NTRK2: variants seen among roughly 807,000 people sequenced by gnomAD.
NTRK2 encodes BDNF/NT-3 growth factors receptor.
In NTRK2, 13 loss-of-function variants were observed where a neutral mutation model predicts 94.5. The ratio of observed to expected loss-of-function variants is 0.14; its 90% confidence interval spans 0.09 to 0.22. The LOEUF (loss-of-function observed/expected upper bound fraction) is 0.22, where lower values mean the gene tolerates loss of function less well. NTRK2 is among the 10% of genes least tolerant of loss of function. The pLI is 1.00. For missense variants in NTRK2, 639 were observed against 1,071.2 expected (o/e 0.60, Z 5.63); for synonymous variants, 372 against 407.4 (o/e 0.91, Z 1.05).
At chr9:84,724,172 CT>C in intron 7 of NTRK2, 51 bp from the exon 8 acceptor site, 2 of 1,604,434 alleles carry the variant, frequency 1.2e-6, no homozygotes, top group Non-Finnish European at 1.7e-6. Context: ...AATCTTGTCA[CT>C]TTGGGATCAA....
intron 14 of NTRK2, chr9:84,871,857 A>C: frequency 6.2e-7 from 1 of 1,613,526 alleles, no homozygotes; most frequent in African/African-American, 1.3e-5. Flanking sequence ...TCACTGCAGG[A>C]ACTAAAGGAG....
At chr9:84,929,241 C>A (rs1178758390) in intron 14 of NTRK2, among the ~76,000 whole-genome samples, 1 of 152,148 alleles carries the variant, frequency 6.6e-6, no homozygotes, top group Non-Finnish European at 1.5e-5. Context: ...CACATTGCGA[C>A]ACAATGCATT....
chr9:85,008,530 G>T lies in NTRK2; in HGVS notation c.2173-11676G>T, dbSNP rs75793128. On this transcript the variant is annotated intron_variant, in intron 17 of 18. Coordinates refer to ENST00000277120, the MANE Select transcript of NTRK2 (RefSeq NM_006180.6). The stretch of plus-strand genomic sequence containing the variant: ...AGTGGTGATTTATCACATGTGGATT[G>T]GTTGCTACCACTGAAGTCACACTTT... Among the ~76,000 whole-genome samples, 978 of 152,286 alleles carry T rather than the reference G, an allele frequency of 6.4e-3. 11 individuals carry two copies. The highest frequency in any genetic ancestry group is 0.023 in the African/African-American group (944 of 41,558).
chr9:84,999,889 C>T (rs1463315714), intron 17 of NTRK2, among the ~76,000 whole-genome samples: 2 of 152,138 alleles, frequency 1.3e-5, no homozygotes, highest in Non-Finnish European at 2.9e-5. Context: ...ATGTCCTCTG[C>T]TCAGGTTCGC....
At chr9:84,735,378 A>T (rs2063182684) in intron 9 of NTRK2, among the ~76,000 whole-genome samples, 1 of 152,056 alleles carries the variant, frequency 6.6e-6, no homozygotes, top group Non-Finnish European at 1.5e-5. Context: ...GGCCAAACTA[A>T]TGTATTTCTA....
intron 2 of NTRK2, among the ~76,000 whole-genome samples, chr9:84,685,942 G>C (rs567321025): frequency 6.6e-6 from 1 of 152,310 alleles, no homozygotes; most frequent in South Asian, 2.1e-4. Flanking sequence ...CTTGTTTACT[G>C]CTCTTTCCTA....
chr9:84,818,082 A>C (rs969866803), intron 12 of NTRK2, among the ~76,000 whole-genome samples: 3 of 152,180 alleles, frequency 2.0e-5, no homozygotes, highest in Admixed American at 6.6e-5. Context: ...CTTCAAACTT[A>C]AGTGTTTCAT....
chr9:84,766,478 T>C (rs1182916353), intron 12 of NTRK2, among the ~76,000 whole-genome samples: 1 of 152,012 alleles, frequency 6.6e-6, no homozygotes, highest in East Asian at 1.9e-4. Flanking sequence ...TGGAGAGAGA[T>C]TAAATGTGGG....
intron 17 of NTRK2, among the ~76,000 whole-genome samples, chr9:84,988,635 A>G (rs1385769185): frequency 1.3e-5 from 2 of 152,248 alleles, no homozygotes; most frequent in Admixed American, 6.5e-5. Flanking sequence ...CAGGGCCAAC[A>G]TGAAGTCCTA....
At chr9:84,830,538 C>CGT (rs60042932) in intron 12 of NTRK2, among the ~76,000 whole-genome samples, 25,969 of 145,896 alleles carry the variant, frequency 0.18, 3,073 homozygotes, top group African/African-American at 0.33. Flanking sequence ...AGCATGCATG[C>CGT]GTGTGTGTGT....
intron 12 of NTRK2, among the ~76,000 whole-genome samples, chr9:84,802,548 G>T (rs2070619120): frequency 6.6e-6 from 1 of 152,204 alleles, no homozygotes; most frequent in Admixed American, 6.5e-5. Context: ...AGCAGCATGG[G>T]CTTATTCCAA....
intron 12 of NTRK2, among the ~76,000 whole-genome samples, chr9:84,828,994 T>G (rs890330571): frequency 7.4e-5 from 10 of 135,014 alleles, no homozygotes; most frequent in African/African-American, 2.9e-4. Flanking sequence ...TGTTTTTTTT[T>G]TGTTGTTTGT....
intron 9 of NTRK2, among the ~76,000 whole-genome samples, chr9:84,728,735 G>A (rs1373588320): frequency 6.6e-6 from 1 of 152,162 alleles, no homozygotes; most frequent in Non-Finnish European, 1.5e-5. Flanking sequence ...GTGCTTCTCT[G>A]GCCAAAGGCT....
Position 84,998,387 on chromosome 9 carries a change from C to T in NTRK2, c.2173-21819C>T, listed in dbSNP as rs138617224. Among the ~76,000 whole-genome samples the T allele has an allele frequency of 4.5e-3, 686 of 152,312 alleles. 8 individuals are homozygous for T. Among genetic ancestry groups the T allele is most frequent in the East Asian group, 0.02 (105 of 5,170 alleles). On this transcript the variant is annotated intron_variant, in intron 17 of 18. Transcript: ENST00000277120. ...GCCAGTCCCCTACCACTAGCTGCAC[C>T]GGCCCAGGTCTAAATCCCAAGTCCT... is the stretch of plus-strand genomic sequence containing the variant.
chr9:84,933,433 A>G lies in NTRK2; in HGVS notation c.1634-729A>G, dbSNP rs534388601. Reference sequence around the variant, plus strand: ...AGAGGGTGTATGGATGAATGACTTGAGCCGTCGCTGCTCCAGACTGTAGGG... The same window carrying G: ...AGAGGGTGTATGGATGAATGACTTGGGCCGTCGCTGCTCCAGACTGTAGGG... On this transcript the variant is annotated intron_variant, in intron 14 of 18. Transcript: ENST00000277120. 2.0e-5 allele frequency among the ~76,000 whole-genome samples: 3 copies of G among 152,274 alleles called. No individual in the cohort carries two copies. The South Asian group carries it at 6.2e-4, about 32-fold the overall frequency.
At position 85,020,200 on chromosome 9, in the gene NTRK2, C is replaced by T. The variant is rs2117926753; in HGVS notation, c.2173-6C>T. 1 of 1,614,010 alleles carries T rather than the reference C, an allele frequency of 6.2e-7. No homozygotes were observed. Among genetic ancestry groups the T allele is most frequent in the East Asian group, 2.2e-5 (1 of 44,878 alleles). ...GATGCCTCCCTGTTGATCCCTTTCT[C>T]CCCAGGTCGGTGGCCACACAATGCT... On this transcript the variant is annotated splice_region_variant and splice_polypyrimidine_tract_variant and intron_variant, in intron 17 of 18. Coordinates refer to ENST00000277120, the MANE Select transcript of NTRK2 (RefSeq NM_006180.6).
intron 12 of NTRK2, among the ~76,000 whole-genome samples, chr9:84,826,159 A>G (rs911191458): frequency 1.3e-5 from 2 of 152,258 alleles, no homozygotes; most frequent in Non-Finnish European, 2.9e-5. Flanking sequence ...GTTTACAACA[A>G]CAGAAATTTA....
intron 2 of NTRK2, among the ~76,000 whole-genome samples, chr9:84,693,722 G>C (rs568400822): frequency 1.3e-5 from 2 of 152,272 alleles, no homozygotes; most frequent in South Asian, 2.1e-4. Flanking sequence ...AGTTACTGTC[G>C]TTACTGCATT....
intron 14 of NTRK2, among the ~76,000 whole-genome samples, chr9:84,926,169 C>CCTTTCTTTCTTCCTTT (rs2077791047): frequency 2.6e-5 from 1 of 38,514 alleles, no homozygotes; most frequent in African/African-American, 9.2e-5. Flanking sequence ...TTCCTTCCTT[C>CCTTTCTTTCTTCCTTT]CTTTCTTTCT....
Sources: gnomAD v4.1 joint callset for allele counts (sites outside exome capture counted in the v4.1 genomes callset) on GRCh38, gnomAD v4.1.1 for gene constraint, MANE v1.5 for transcripts, NCBI Gene and HGNC (gene_info 2026-07-23, HGNC 2026-07-21) for gene names.